Variants in AKAP8L observed in about 807,000 individuals in gnomAD.
AKAP8L encodes A-kinase anchor protein 8-like.
A neutral mutation model predicts 77.5 loss-of-function variants in AKAP8L; 34 were observed. That is an observed-to-expected ratio of 0.44 (90% CI 0.33 to 0.58). The LOEUF (loss-of-function observed/expected upper bound fraction) is 0.58. AKAP8L is among the 20% of genes least tolerant of loss of function. AKAP8L has a pLI of 0.02. For missense variants in AKAP8L, 806 were observed against 887.6 expected, an observed-to-expected ratio of 0.91 and a Z score of 1.17; for synonymous variants, 342 against 340.7, an observed-to-expected ratio of 1.00 and a Z score of -0.04.
intron 12 of AKAP8L, among the ~76,000 whole-genome samples, chr19:15,390,379 G>A (rs574560434): frequency 4.8e-5 from 7 of 145,894 alleles, no homozygotes; most frequent in African/African-American, 1.8e-4. Context: ...AGATCACACC[G>A]TTGCACTCCA....
chr19:15,397,382 C>T lies in AKAP8L; in HGVS notation c.1406-102G>A, dbSNP rs2145126858. On this transcript the variant is annotated intron_variant, in intron 11 of 13. Coordinates refer to ENST00000397410, the MANE Select transcript of AKAP8L (RefSeq NM_014371.4). The surrounding 1 kb of genome is among the most constrained non-coding windows in gnomAD (Gnocchi z 4.7). The stretch of plus-strand genomic sequence containing the variant: ...CCAGCTCCTCCTCAACTCGCCCTGC[C>T]ACTTCCACCTGGGCCTGAGCCAAGG... 2.0e-6 allele frequency: 3 copies of T among 1,516,928 alleles called. No homozygotes were observed. Among genetic ancestry groups the T allele is most frequent in the South Asian group, 2.3e-5 (2 of 85,156 alleles). 94.0% of individuals were successfully genotyped at this position (1,516,928 alleles called of 1,614,324 possible).
At position 15,399,147 on chromosome 19, in the gene AKAP8L, T is replaced by G; in HGVS notation, c.1157+155A>C. The G allele has an allele frequency of 1.5e-6, 1 of 685,634 alleles. No homozygotes were observed. The allele number at this position is 685,634 out of a possible 1,614,324, so 42.5% of individuals were successfully genotyped here. ...AGGGGATGAGTCAGGCCTTGGGAGC[T>G]GGGCCTGGCGGGAAGCAGGGTCCAT... On this transcript the variant is annotated intron_variant, in intron 9 of 13. Coordinates refer to ENST00000397410, the MANE Select transcript of AKAP8L (RefSeq NM_014371.4). The surrounding 1 kb of genome is among the most constrained non-coding windows in gnomAD (Gnocchi z 6.1).
chr19:15,416,785 G>C (rs568309083), intron 1 of AKAP8L, among the ~76,000 whole-genome samples: 1 of 152,314 alleles, frequency 6.6e-6, no homozygotes, highest in East Asian at 1.9e-4. Flanking sequence ...TAGAGATGCA[G>C]CTTCCTTTCC....
chr19:15,410,190 G>A lies in AKAP8L; in HGVS notation c.88+330C>T, dbSNP rs557353437. ...TCTCCTGACCTCAAGTGATCCACCC[G>A]CCTCGGCCTCCCAAAGTGCTGGGAT... On this transcript the variant is annotated intron_variant, in intron 2 of 13. Transcript: ENST00000397410. Among the ~76,000 whole-genome samples the A allele has an allele frequency of 5.6e-4, 85 of 152,142 alleles. 2 individuals are homozygous for A. The highest frequency in any genetic ancestry group is 3.0e-3 in the Admixed American group (46 of 15,272).
intron 1 of AKAP8L, among the ~76,000 whole-genome samples, chr19:15,416,693 G>A (rs1968213726): frequency 6.6e-6 from 1 of 152,202 alleles, no homozygotes; most frequent in Middle Eastern, 3.2e-3. Flanking sequence ...AAGTACAGTA[G>A]CATTTCAGAC....
intron 12 of AKAP8L, among the ~76,000 whole-genome samples, chr19:15,386,060 G>A (rs537657459): frequency 1.9e-3 from 293 of 151,944 alleles, no homozygotes; most frequent in African/African-American, 6.2e-3. Flanking sequence ...ACAGGCGCCC[G>A]TCACTACGCC....
At chr19:15,408,804 G>A (rs1313593328) in intron 2 of AKAP8L, among the ~76,000 whole-genome samples, 1 of 150,918 alleles carries the variant, frequency 6.6e-6, no homozygotes, top group Non-Finnish European at 1.5e-5. Context: ...CCCAGGAGGC[G>A]GAGCTTGCAG....
rs879080447 is a variant in AKAP8L at position 15,387,037 on chromosome 19, C to T, written c.1537-6425G>A. 5.9e-5 allele frequency among the ~76,000 whole-genome samples: 9 copies of T among 152,278 alleles called. No homozygotes were observed. The East Asian group carries it at 1.2e-3, about 20-fold the overall frequency. On this transcript the variant is annotated intron_variant, in intron 12 of 13. Transcript: ENST00000397410. Reference sequence around the variant, plus strand: ...CTAGACAAGCATAGCTGAGAGAGAACGGTTCCTATCTTCTACCCAGCCACA... The same window carrying T: ...CTAGACAAGCATAGCTGAGAGAGAATGGTTCCTATCTTCTACCCAGCCACA...
chr19:15,380,609 T>C lies in AKAP8L; in HGVS notation c.1540A>G (p.Met514Val), dbSNP rs759972244. ...GAGGACTTCTTGGACTGCTCCATCA[T>C]GAGCTGCGGGCAGGGCAGAAGGAGC... ...TMDHNRNRRLMMEQSKKSSLM... is the reference protein window; with the variant it reads ...TMDHNRNRRLVMEQSKKSSLM... The change falls in exon 13 of 14, where the codon ATG becomes GTG. Residue 514 changes from methionine to valine, a missense_variant. By Grantham distance (21) the Met-to-Val change is conservative. Coordinates refer to ENST00000397410, the MANE Select transcript of AKAP8L (RefSeq NM_014371.4). The C allele has an allele frequency of 1.2e-6, 2 of 1,613,388 alleles. No homozygotes were observed. The highest frequency in any genetic ancestry group is 1.3e-5 in the African/African-American group (1 of 74,922).
At position 15,401,215 on chromosome 19, in the gene AKAP8L, C is replaced by T. The variant is rs1334161645; in HGVS notation, c.751G>A (p.Gly251Arg). ...AFPGGSRFGF[G>R]FGNGMKQMRR... ...ATCTGCTTCATGCCATTGCCAAACC[C>T]GAAACCAAAGCGGGAGCCGCCCGGG... The change falls in exon 5 of 14, where the codon GGG becomes AGG. Residue 251 changes from glycine (G) to arginine (R), a missense_variant. Gly to Arg is a moderately radical substitution (Grantham distance 125). Coordinates refer to ENST00000397410, the MANE Select transcript of AKAP8L (RefSeq NM_014371.4). This position sits in a 1 kb window ranked among gnomAD's most constrained non-coding sequence, Gnocchi z 6.2. 26 of 1,612,836 alleles carry T rather than the reference C, an allele frequency of 1.6e-5. No homozygotes were observed. The South Asian group carries it at 2.1e-4, about 13-fold the overall frequency.
rs1299470924 is a variant in AKAP8L, at chr19:15,415,810, T to TG, written c.13+3100dup. 2.0e-5 allele frequency among the ~76,000 whole-genome samples: 3 copies of TG among 149,710 alleles called. No homozygotes were observed. In the East Asian group the frequency reaches 6.1e-4, roughly 31 times the overall value. On this transcript the variant is annotated intron_variant, in intron 1 of 13. Transcript: ENST00000397410. ...CGGAGGCAGGAGAATGGCATGAACCTGGGAGGCGGAGCTTGCAGTGGGCCG... is the reference window on the plus strand; with the variant it reads ...CGGAGGCAGGAGAATGGCATGAACCTGGGGAGGCGGAGCTTGCAGTGGGCCG...
At chr19:15,406,476 T>C (rs535973999) in intron 2 of AKAP8L, among the ~76,000 whole-genome samples, 11 of 151,290 alleles carry the variant, frequency 7.3e-5, no homozygotes, top group Admixed American at 5.3e-4. Context: ...TATGTACATA[T>C]ATATTTTTGA....
At chr19:15,382,225 TAAG>T (rs1967433903) in intron 12 of AKAP8L, among the ~76,000 whole-genome samples, 1 of 145,244 alleles carries the variant, frequency 6.9e-6, no homozygotes. Flanking sequence ...TTTTTTTTTT[TAAG>T]ACAGTCTCGC....
At chr19:15,412,822 G>A (rs900171072) in intron 1 of AKAP8L, among the ~76,000 whole-genome samples, 9 of 152,196 alleles carry the variant, frequency 5.9e-5, no homozygotes, top group South Asian at 2.1e-4. Context: ...GATTACAGGC[G>A]TGAGCCACTG....
chr19:15,400,183 G>C, intron 8 of AKAP8L, 112 bp downstream of exon 8: 1 of 1,105,926 alleles, frequency 9.0e-7, no homozygotes, highest in Non-Finnish European at 1.4e-6. Context: ...GGCCCACAAG[G>C]GAGGTCCCCA....
chr19:15,384,130 A>C (rs1321319184), intron 12 of AKAP8L, among the ~76,000 whole-genome samples: 1 of 151,440 alleles, frequency 6.6e-6, no homozygotes, highest in Non-Finnish European at 1.5e-5. Context: ...ACAGGGTTTC[A>C]CCATCTTGGC....
intron 12 of AKAP8L, among the ~76,000 whole-genome samples, chr19:15,391,234 G>C (rs1032427323): frequency 3.9e-5 from 6 of 152,032 alleles, no homozygotes; most frequent in African/African-American, 1.4e-4. Flanking sequence ...GCCGAGGCGG[G>C]TGGATCATGA....
intron 1 of AKAP8L, among the ~76,000 whole-genome samples, chr19:15,416,734 C>T (rs1968214389): frequency 6.6e-6 from 1 of 152,232 alleles, no homozygotes; most frequent in South Asian, 2.1e-4. Flanking sequence ...CTGGATATTT[C>T]TGTGCTGTTT....
chr19:15,394,533 T>G (rs990014459), intron 12 of AKAP8L, among the ~76,000 whole-genome samples: 6 of 148,892 alleles, frequency 4.0e-5, no homozygotes, highest in Non-Finnish European at 6.0e-5. Flanking sequence ...AATGAATTGG[T>G]TTTTTTTTTC....
Sources: gnomAD v4.1 joint callset for allele counts (sites outside exome capture counted in the v4.1 genomes callset) on GRCh38, gnomAD v4.1.1 for gene constraint, Gnocchi (gnomAD v3.1) non-coding constraint, MANE v1.5 for transcripts, NCBI Gene and HGNC (gene_info 2026-07-23, HGNC 2026-07-21) for gene names.